The following AGPAT3 variants were observed in gnomAD, a reference collection of about 807,000 sequenced individuals.
AGPAT3 encodes 1-acyl-sn-glycerol-3-phosphate acyltransferase gamma.
Under a neutral mutation model 47.3 loss-of-function variants are expected in AGPAT3, and 5 were observed. The observed-to-expected ratio is 0.11, with a 90% CI of 0.06 to 0.22. The LOEUF is 0.22. Ranked by LOEUF, AGPAT3 falls within the 10% of genes least tolerant of loss-of-function variation. The probability of loss-of-function intolerance (pLI) is 1.00; values close to 1 mark genes in which losing one functional copy is unlikely to be tolerated. For synonymous variants in AGPAT3, 212 were observed against 208.3 expected (o/e 1.02, Z -0.15); for missense variants, 315 against 493.0 (o/e 0.64, Z 3.42).
Position 43,970,454 on chromosome 21 carries a change from G to T in AGPAT3, c.511-199G>T, listed in dbSNP as rs1005017718. Among the ~76,000 whole-genome samples the T allele has an allele frequency of 2.0e-5, 3 of 151,140 alleles. No individual in the cohort carries two copies. The highest frequency in any genetic ancestry group is 2.0e-4 in the East Asian group (1 of 5,128). On this transcript the variant is annotated intron_variant, in intron 5 of 9. Coordinates refer to ENST00000291572, the MANE Select transcript of AGPAT3 (RefSeq NM_020132.5). The surrounding 1 kb of genome is among the most constrained non-coding windows in gnomAD (Gnocchi z 5.8). Reference sequence around the variant, plus strand: ...GGAGAGCTCTCCTGTGTGAATGAACGTGTGTGACTGGAGTGCAGACTGTGG... The same window carrying T: ...GGAGAGCTCTCCTGTGTGAATGAACTTGTGTGACTGGAGTGCAGACTGTGG...
intron 2 of AGPAT3, among the ~76,000 whole-genome samples, chr21:43,925,933 C>T (rs1056502955): frequency 6.6e-6 from 1 of 152,250 alleles, no homozygotes; most frequent in Admixed American, 6.5e-5. Flanking sequence ...TGGCCGCCGG[C>T]GCCATGTAGC....
At chr21:43,871,367 C>T (rs866171513) in intron 1 of AGPAT3, among the ~76,000 whole-genome samples, 19 of 152,300 alleles carry the variant, frequency 1.2e-4, no homozygotes, top group Middle Eastern at 3.4e-3. Context: ...GGAAAAACAA[C>T]GTAACTCCAC....
chr21:43,937,755 G>T (rs774742459), intron 2 of AGPAT3, among the ~76,000 whole-genome samples: 1 of 152,156 alleles, frequency 6.6e-6, no homozygotes, highest in South Asian at 2.1e-4. Flanking sequence ...GCAACCTTTT[G>T]TCAGGGGCTG....
In AGPAT3 at chr21:43,981,726, C is replaced by T. The variant is rs2089857576; in HGVS notation, c.1042+539C>T. 6.6e-6 allele frequency among the ~76,000 whole-genome samples: 1 copy of T among 152,042 alleles called. No homozygotes were observed. The highest frequency in any genetic ancestry group is 1.5e-5 in the Non-Finnish European group (1 of 67,986). ...CCCACACCCCGTAATTGAGGGGTCT[C>T]TGTCCGTGGAGACACAGTCCGTGTG... is the stretch of plus-strand genomic sequence containing the variant. On this transcript the variant is annotated intron_variant, in intron 9 of 9. Coordinates refer to ENST00000291572, the MANE Select transcript of AGPAT3 (RefSeq NM_020132.5). This position sits in a 1 kb window ranked among gnomAD's most constrained non-coding sequence, Gnocchi z 5.3.
intron 2 of AGPAT3, among the ~76,000 whole-genome samples, chr21:43,951,511 C>G (rs2088190670): frequency 6.6e-6 from 1 of 152,180 alleles, no homozygotes; most frequent in South Asian, 2.1e-4. Flanking sequence ...AGAATAGTTG[C>G]CAGTGGTGAC....
chr21:43,937,546 A>G (rs1034272995), intron 2 of AGPAT3, among the ~76,000 whole-genome samples: 1 of 152,178 alleles, frequency 6.6e-6, no homozygotes, highest in Non-Finnish European at 1.5e-5. Context: ...TGATGTCAGG[A>G]AAAGGGAGTT....
rs905606447 is a variant in AGPAT3 at position 43,930,808 on chromosome 21, C to T, written c.-49+26789C>T. 2.6e-5 allele frequency among the ~76,000 whole-genome samples: 4 copies of T among 152,074 alleles called. No individual in the cohort carries two copies. Among genetic ancestry groups the T allele is most frequent in the Admixed American group, 6.5e-5 (1 of 15,276 alleles). On this transcript the variant is annotated intron_variant, in intron 2 of 9. Coordinates refer to ENST00000291572, the MANE Select transcript of AGPAT3 (RefSeq NM_020132.5). This position sits in a 1 kb window ranked among gnomAD's most constrained non-coding sequence, Gnocchi z 5.0. ...TCCTCACGGTGGCCGGGGTGGCCCA[C>T]GGCAGGCCAGTGTGCGGTCCTCAAG...
chr21:43,935,575 C>T (rs1017432354), intron 2 of AGPAT3, among the ~76,000 whole-genome samples: 2 of 152,204 alleles, frequency 1.3e-5, no homozygotes, highest in African/African-American at 2.4e-5. Context: ...CTGCGGAGCT[C>T]GGAGAGACCT....
rs1299083630 is a variant in AGPAT3, at chr21:43,922,514, C to T, written c.-49+18495C>T. Among the ~76,000 whole-genome samples the T allele has an allele frequency of 6.6e-6, 1 of 151,976 alleles. No individual in the cohort carries two copies. Among genetic ancestry groups the T allele is most frequent in the East Asian group, 1.9e-4 (1 of 5,180 alleles). ...AACCCCACCCTCAAGGCAGGCAGCACGTGGAGGAGAGTGTCCCTGTGTCCC... is the reference window on the plus strand; with the variant it reads ...AACCCCACCCTCAAGGCAGGCAGCATGTGGAGGAGAGTGTCCCTGTGTCCC... On this transcript the variant is annotated intron_variant, in intron 2 of 9. Transcript: ENST00000291572. The surrounding 1 kb of genome is among the most constrained non-coding windows in gnomAD (Gnocchi z 4.9).
intron 2 of AGPAT3, among the ~76,000 whole-genome samples, chr21:43,911,186 T>C (rs1163863645): frequency 1.3e-5 from 2 of 152,252 alleles, no homozygotes; most frequent in Non-Finnish European, 2.9e-5. Context: ...TTACTACACA[T>C]AGATCTACTT....
chr21:43,914,163 C>A (rs1268661731), intron 2 of AGPAT3, among the ~76,000 whole-genome samples: 1 of 152,112 alleles, frequency 6.6e-6, no homozygotes, highest in African/African-American at 2.4e-5. Flanking sequence ...CAAGGCTATG[C>A]GCTCATGAAG....
Position 43,947,788 on chromosome 21 carries a change from C to A in AGPAT3, c.-48-11846C>A, listed in dbSNP as rs546432449. On this transcript the variant is annotated intron_variant, in intron 2 of 9. Transcript: ENST00000291572. ...CCTCCTGAGTGGCTGGGATTATAGG[C>A]GCCTGCCACCACACCCGGCTAATTT... is the stretch of plus-strand genomic sequence containing the variant. Among the ~76,000 whole-genome samples, 51 of 150,956 alleles carry A rather than the reference C, an allele frequency of 3.4e-4. No homozygotes were observed. In the South Asian group the frequency reaches 0.01, roughly 31 times the overall value.
chr21:43,896,958 T>TG (rs2086232595), intron 1 of AGPAT3, among the ~76,000 whole-genome samples: 1 of 146,612 alleles, frequency 6.8e-6, no homozygotes, highest in African/African-American at 2.5e-5. Context: ...TTTTTTTTTT[T>TG]TTTTTTTTTT....
Position 43,908,318 on chromosome 21 carries a change from C to T in AGPAT3, c.-49+4299C>T, listed in dbSNP as rs930163370. Reference sequence around the variant, plus strand: ...CTGGGGAAGGAATGCCTGTCGTGAGCGGAACCAGCCAAGTTCACACATGGC... The same window carrying T: ...CTGGGGAAGGAATGCCTGTCGTGAGTGGAACCAGCCAAGTTCACACATGGC... On this transcript the variant is annotated intron_variant, in intron 2 of 9. Transcript: ENST00000291572. This position sits in a 1 kb window ranked among gnomAD's most constrained non-coding sequence, Gnocchi z 4.9. Among the ~76,000 whole-genome samples the T allele has an allele frequency of 6.6e-5, 10 of 152,146 alleles. No individual in the cohort carries two copies. The highest frequency in any genetic ancestry group is 9.7e-5 in the African/African-American group (4 of 41,422).
chr21:43,957,609 G>T (rs865787019), intron 2 of AGPAT3, among the ~76,000 whole-genome samples: 1 of 148,758 alleles, frequency 6.7e-6, no homozygotes, highest in Non-Finnish European at 1.5e-5. Context: ...CTCCACGCGG[G>T]GGTCTCGGGT....
intron 1 of AGPAT3, among the ~76,000 whole-genome samples, chr21:43,866,291 GA>G (rs1235053688): frequency 1.3e-5 from 2 of 151,834 alleles, no homozygotes; most frequent in Non-Finnish European, 2.9e-5. Flanking sequence ...CTTAGTAGAA[GA>G]AAGATGTGGG....
intron 2 of AGPAT3, among the ~76,000 whole-genome samples, chr21:43,945,388 T>C (rs1248082134): frequency 6.6e-6 from 1 of 152,240 alleles, no homozygotes; most frequent in African/African-American, 2.4e-5. Context: ...TCATTCACAT[T>C]ACACATTTCA....
chr21:43,945,059 T>G (rs1217285875), intron 2 of AGPAT3, among the ~76,000 whole-genome samples: 1 of 152,180 alleles, frequency 6.6e-6, no homozygotes, highest in African/African-American at 2.4e-5. Flanking sequence ...TAGCCACAGT[T>G]TGGAGGCATC....
chr21:43,971,535 A>G, intron 7 of AGPAT3, 45 bp downstream of exon 7: 1 of 1,586,336 alleles, frequency 6.3e-7, no homozygotes, highest in East Asian at 2.2e-5. Flanking sequence ...CCATACCTTC[A>G]TGAGCTTGCG....
Sources: gnomAD v4.1 joint callset for allele counts (sites outside exome capture counted in the v4.1 genomes callset) on GRCh38, gnomAD v4.1.1 for gene constraint, Gnocchi (gnomAD v3.1) non-coding constraint, MANE v1.5 for transcripts, NCBI Gene and HGNC (gene_info 2026-07-23, HGNC 2026-07-21) for gene names.